Variants in EPSTI1 observed in about 807,000 individuals in gnomAD.
EPSTI1 encodes epithelial-stromal interaction protein 1.
In EPSTI1, 66 loss-of-function variants were observed where a neutral mutation model predicts 49.9. That is an observed-to-expected ratio of 1.32 (90% CI 1.08 to 1.62). The LOEUF is 1.62. Among genes scored for constraint, EPSTI1 ranks in the 40% most tolerant of loss-of-function variants. The pLI, the probability that EPSTI1 is intolerant of heterozygous loss-of-function variation, is 0.00. For synonymous variants in EPSTI1, 137 were observed against 130.7 expected, an observed-to-expected ratio of 1.05 and a Z score of -0.33; for missense variants, 394 against 365.5, an observed-to-expected ratio of 1.08 and a Z score of -0.64.
chr13:42,897,784 G>A (rs1196790819), intron 9 of EPSTI1, among the ~76,000 whole-genome samples: 2 of 152,120 alleles, frequency 1.3e-5, no homozygotes, highest in African/African-American at 2.4e-5. Context: ...ATAATGGGTG[G>A]GAAAGAGTTT....
chr13:42,907,539 G>A (rs896974539), intron 8 of EPSTI1, among the ~76,000 whole-genome samples: 2 of 152,142 alleles, frequency 1.3e-5, no homozygotes, highest in African/African-American at 4.8e-5. Flanking sequence ...AGAATTTGAT[G>A]TTGCCAAAGT....
chr13:42,978,036 C>T (rs1286870480), intron 1 of EPSTI1, among the ~76,000 whole-genome samples: 1 of 152,006 alleles, frequency 6.6e-6, no homozygotes, highest in African/African-American at 2.4e-5. Flanking sequence ...GCCTGTAGTC[C>T]CAGCTACTTG....
At chr13:42,944,318 A>G (rs746753463) in intron 6 of EPSTI1, among the ~76,000 whole-genome samples, 13 of 152,216 alleles carry the variant, frequency 8.5e-5, no homozygotes, top group Non-Finnish European at 1.8e-4. Flanking sequence ...GCACATATAC[A>G]CCATGGAATA....
At position 42,945,050 on chromosome 13, in the gene EPSTI1, C is replaced by T. The variant is rs541594250; in HGVS notation, c.563+8898G>A. 1.1e-4 allele frequency among the ~76,000 whole-genome samples: 16 copies of T among 152,294 alleles called. 1 individual carries two copies. In the South Asian group the frequency reaches 3.3e-3, roughly 32 times the overall value. ...AAGCTCTGCTTCCTTAAATCTTCCC[C>T]TAAATCACCTACGTATTAGTCTGTT... On this transcript the variant is annotated intron_variant, in intron 6 of 10. Coordinates refer to ENST00000313624, the MANE Select transcript of EPSTI1 (RefSeq NM_033255.5).
At chr13:42,919,094 T>C (rs1312922141) in intron 7 of EPSTI1, among the ~76,000 whole-genome samples, 1 of 152,202 alleles carries the variant, frequency 6.6e-6, no homozygotes, top group African/African-American at 2.4e-5. Context: ...GTATCTAAAT[T>C]CTATTTGAAT....
chr13:42,982,328 A>T (rs1317062065), intron 1 of EPSTI1, among the ~76,000 whole-genome samples: 1 of 152,240 alleles, frequency 6.6e-6, no homozygotes, highest in African/African-American at 2.4e-5. Context: ...TGGTCTAAAG[A>T]GGGGAAGCAT....
At chr13:42,935,492 G>A (rs1019829430) in intron 6 of EPSTI1, among the ~76,000 whole-genome samples, 6 of 152,216 alleles carry the variant, frequency 3.9e-5, no homozygotes, top group Admixed American at 6.5e-5. Context: ...GTATGAAGGA[G>A]GAGGGAGTGG....
chr13:42,908,357 AC>A (rs2037558140), intron 8 of EPSTI1, among the ~76,000 whole-genome samples: 1 of 152,072 alleles, frequency 6.6e-6, no homozygotes, highest in African/African-American at 2.4e-5. Context: ...ACGGTGGCAC[AC>A]ACCTGTAATC....
At chr13:42,974,250 C>T (rs532945059) in intron 1 of EPSTI1, among the ~76,000 whole-genome samples, 6 of 151,858 alleles carry the variant, frequency 4.0e-5, no homozygotes, top group Admixed American at 1.3e-4. Context: ...GCAGGAGAAT[C>T]GCTTGATCCC....
intron 6 of EPSTI1, among the ~76,000 whole-genome samples, chr13:42,941,007 A>G (rs1013345796): frequency 2.6e-5 from 4 of 152,112 alleles, no homozygotes; most frequent in African/African-American, 9.7e-5. Context: ...TTTTTCCTAG[A>G]TTATTATTTA....
chr13:42,896,700 C>T (rs767888102), intron 9 of EPSTI1, among the ~76,000 whole-genome samples: 29 of 152,200 alleles, frequency 1.9e-4, no homozygotes, highest in Admixed American at 3.9e-4. Flanking sequence ...AATTCTCCCA[C>T]AGCTTCCCAT....
chr13:42,981,622 G>A (rs1026747648), intron 1 of EPSTI1, among the ~76,000 whole-genome samples: 6 of 152,172 alleles, frequency 3.9e-5, no homozygotes, highest in Non-Finnish European at 7.3e-5. Context: ...AATTTCTACC[G>A]TCCTGCACAA....
chr13:42,909,230 G>A (rs534082145), intron 8 of EPSTI1, among the ~76,000 whole-genome samples: 86 of 152,134 alleles, frequency 5.7e-4, no homozygotes, highest in Non-Finnish European at 1.0e-3. Flanking sequence ...CTAAAACCAC[G>A]ATGAGCTATT....
chr13:42,902,363 A>G (rs540877625), intron 8 of EPSTI1, among the ~76,000 whole-genome samples: 4 of 152,206 alleles, frequency 2.6e-5, no homozygotes, highest in African/African-American at 9.6e-5. Flanking sequence ...CTGATTCCTC[A>G]ACTTAACCAA....
intron 5 of EPSTI1, among the ~76,000 whole-genome samples, chr13:42,959,020 G>A (rs1316566571): frequency 6.6e-6 from 1 of 152,026 alleles, no homozygotes; most frequent in Admixed American, 6.6e-5. Context: ...AGATTCCAAC[G>A]AGATAGTGTT....
chr13:42,920,704 A>C (rs1017265191), intron 7 of EPSTI1, among the ~76,000 whole-genome samples: 2 of 152,222 alleles, frequency 1.3e-5, no homozygotes, highest in African/African-American at 4.8e-5. Flanking sequence ...AACCAGGCAT[A>C]TGTGTAAAGA....
chr13:42,954,074 C>A, intron 5 of EPSTI1, 53 bp from the exon 6 acceptor site: 1 of 1,512,474 alleles, frequency 6.6e-7, no homozygotes, highest in South Asian at 1.2e-5. Flanking sequence ...TAAGCAGAGT[C>A]ATGATGTTAA....
chr13:42,943,980 T>C (rs1426848484), intron 6 of EPSTI1, among the ~76,000 whole-genome samples: 1 of 152,196 alleles, frequency 6.6e-6, no homozygotes, highest in Non-Finnish European at 1.5e-5. Context: ...TACCATCTCA[T>C]GCCAGTTAGA....
intron 8 of EPSTI1, among the ~76,000 whole-genome samples, chr13:42,909,472 G>A (rs554117179): frequency 1.1e-4 from 16 of 152,148 alleles, no homozygotes; most frequent in Non-Finnish European, 2.4e-4. Flanking sequence ...GTATGTCAAA[G>A]AGATATCTGC....
Sources: allele counts gnomAD v4.1 joint callset (sites outside exome capture counted in the v4.1 genomes callset), GRCh38; gene constraint gnomAD v4.1.1; transcripts MANE v1.5; gene names NCBI Gene and HGNC (gene_info 2026-07-23, HGNC 2026-07-21).